ANXA8: variants seen among roughly 807,000 people sequenced by gnomAD.
ANXA8 encodes VAC-beta.
In ANXA8, 9 loss-of-function variants were observed where a neutral mutation model predicts 26.8. That is an observed-to-expected ratio of 0.34 (90% CI 0.20 to 0.59). The LOEUF (loss-of-function observed/expected upper bound fraction) is 0.59. ANXA8 is among the 20% of genes least tolerant of loss of function. The pLI, the probability that ANXA8 is intolerant of heterozygous loss-of-function variation, is 0.84. For missense variants in ANXA8, 83 were observed against 238.5 expected, an observed-to-expected ratio of 0.35 and a Z score of 4.29; for synonymous variants, 39 against 94.8, an observed-to-expected ratio of 0.41 and a Z score of 3.42.
chr10:47,626,769 T>G, the ANXA8 span, among the ~76,000 whole-genome samples: 5 of 150,306 alleles, frequency 3.3e-5, no homozygotes, highest in South Asian at 2.1e-4. Context: ...TTGTCTATGT[T>G]CATCAGGAGC....
At chr10:47,618,917 T>C in the ANXA8 span, among the ~76,000 whole-genome samples, 1 of 115,536 alleles carries the variant, frequency 8.7e-6, no homozygotes, top group South Asian at 2.7e-4. Flanking sequence ...ACTGTAAAAA[T>C]AATTTGTTAC....
chr10:47,694,740 A>G, the ANXA8 span, among the ~76,000 whole-genome samples: 1 of 151,906 alleles, frequency 6.6e-6, no homozygotes, highest in African/African-American at 2.4e-5. Flanking sequence ...ATTTGAAGTA[A>G]CAGATGTATT....
the ANXA8 span, chr10:47,502,710 C>T: frequency 1.2e-6 from 2 of 1,608,136 alleles, no homozygotes; most frequent in East Asian, 2.3e-5. Context: ...CGTTCCCACG[C>T]ATGTTTTGGA....
chr10:47,981,075 C>T, the ANXA8 span, among the ~76,000 whole-genome samples: 8 of 151,444 alleles, frequency 5.3e-5, no homozygotes, highest in Admixed American at 5.3e-4. Flanking sequence ...CACACTAAAC[C>T]CAGAAACATA....
chr10:47,987,562 C>CA, the ANXA8 span, among the ~76,000 whole-genome samples: 1 of 142,954 alleles, frequency 7.0e-6, no homozygotes, highest in Non-Finnish European at 1.5e-5. Flanking sequence ...GGGCATCACA[C>CA]AGGGCCCCCC....
chr10:47,496,942 A>G, the ANXA8 span, among the ~76,000 whole-genome samples: 1 of 123,646 alleles, frequency 8.1e-6, no homozygotes. Context: ...CATTGTAAAG[A>G]TACTATCTTT....
At chr10:47,576,762 C>T in the ANXA8 span, among the ~76,000 whole-genome samples, 1 of 150,558 alleles carries the variant, frequency 6.6e-6, no homozygotes, top group East Asian at 1.9e-4. Flanking sequence ...TCAAACAATC[C>T]TCCCACCTCA....
At chr10:47,659,738 T>A in the ANXA8 span, among the ~76,000 whole-genome samples, 1 of 151,678 alleles carries the variant, frequency 6.6e-6, no homozygotes, top group African/African-American at 2.4e-5. Flanking sequence ...TACCTTGGTT[T>A]AAATCCTGGC....
chr10:47,932,493 T>A, the ANXA8 span, among the ~76,000 whole-genome samples: 4 of 148,168 alleles, frequency 2.7e-5, no homozygotes, highest in East Asian at 6.0e-4. Context: ...ATGGTAGGGC[T>A]CTCTAGTCCT....
chr10:47,676,994 A>G, the ANXA8 span, among the ~76,000 whole-genome samples: 1 of 4,496 alleles, frequency 2.2e-4, no homozygotes, highest in Non-Finnish European at 3.5e-4. Flanking sequence ...GAGCTGAAAG[A>G]AAAAAAAAAA....
the ANXA8 span, among the ~76,000 whole-genome samples, chr10:47,674,908 T>C: frequency 1.3e-3 from 201 of 151,826 alleles, 2 homozygotes; most frequent in African/African-American, 4.6e-3. Context: ...GTGTTTGCAC[T>C]TTCTCACTTT....
At chr10:47,981,007 G>A in the ANXA8 span, among the ~76,000 whole-genome samples, 1 of 151,234 alleles carries the variant, frequency 6.6e-6, no homozygotes, top group South Asian at 2.1e-4. Flanking sequence ...GACATTCTAA[G>A]AGAACACAGC....
chr10:47,916,525 T>C, the ANXA8 span, among the ~76,000 whole-genome samples: 1 of 127,652 alleles, frequency 7.8e-6, no homozygotes, highest in South Asian at 2.6e-4. Context: ...AGCCCTACCA[T>C]CTACAAGTTG....
At chr10:47,593,423 A>G in the ANXA8 span, among the ~76,000 whole-genome samples, 9 of 150,008 alleles carry the variant, frequency 6.0e-5, 1 homozygote, top group African/African-American at 2.0e-4. Flanking sequence ...AGATGCAACA[A>G]TAGCTCTTCC....
the ANXA8 span, among the ~76,000 whole-genome samples, chr10:47,894,148 G>A: frequency 1.4e-5 from 1 of 70,952 alleles, no homozygotes; most frequent in South Asian, 4.3e-4. Flanking sequence ...CCTTTGAAAC[G>A]GTTCCCAGGC....
At chr10:47,985,744 A>T in the ANXA8 span, 1 of 151,038 alleles carries the variant, frequency 6.6e-6, no homozygotes, top group African/African-American at 2.4e-5. Context: ...ATTAAAAAAA[A>T]AAAAAGGCAA....
chr10:47,485,682 A>T (rs1301436892), upstream of ANXA8, among the ~76,000 whole-genome samples: 1 of 151,972 alleles, frequency 6.6e-6, no homozygotes, highest in African/African-American at 2.4e-5. Context: ...TAATTAAAAA[A>T]TGTTAAGTTA....
At chr10:47,970,798 A>ACGGTTC in the ANXA8 span, among the ~76,000 whole-genome samples, 2 of 151,318 alleles carry the variant, frequency 1.3e-5, no homozygotes, top group Non-Finnish European at 3.0e-5. Context: ...ACCGTAATGG[A>ACGGTTC]CAAAACAGCC....
At chr10:47,549,922 T>A in the ANXA8 span, among the ~76,000 whole-genome samples, 1 of 144,458 alleles carries the variant, frequency 6.9e-6, no homozygotes, top group Non-Finnish European at 1.5e-5. Flanking sequence ...CTGGGCCACA[T>A]GGGGAAATCC....
Sources: allele counts gnomAD v4.1 joint callset (sites outside exome capture counted in the v4.1 genomes callset), GRCh38; gene constraint gnomAD v4.1.1; transcripts MANE v1.5; gene names NCBI Gene and HGNC (gene_info 2026-07-23, HGNC 2026-07-21).